The following EPAS1 variants were observed in gnomAD, a reference collection of about 807,000 sequenced individuals.
The protein encoded by EPAS1 is endothelial PAS domain protein 1, also known as endothelial PAS domain-containing protein 1.
Under a neutral mutation model 87.9 loss-of-function variants are expected in EPAS1, and 23 were observed. The observed-to-expected ratio is 0.26, with a 90% CI of 0.19 to 0.37. The LOEUF (loss-of-function observed/expected upper bound fraction) is 0.37. Among genes scored for constraint, EPAS1 ranks in the 10% least tolerant of loss-of-function variants. The pLI, the probability that EPAS1 is intolerant of heterozygous loss-of-function variation, is 1.00. For synonymous variants in EPAS1, 508 were observed against 444.3 expected (o/e 1.14, Z -1.80); for missense variants, 1,138 against 1,120.7 (o/e 1.02, Z -0.22).
At chr2:46,307,775 C>T (rs1683135809) in intron 1 of EPAS1, among the ~76,000 whole-genome samples, 1 of 152,138 alleles carries the variant, frequency 6.6e-6, no homozygotes, top group Admixed American at 6.5e-5. Context: ...CTTTCCTGGT[C>T]CCCCAGAAGA....
In EPAS1 at chr2:46,347,152, G is replaced by A; in HGVS notation, c.217+89G>A. 2 of 1,481,186 alleles carry A rather than the reference G, an allele frequency of 1.4e-6. No individual in the cohort carries two copies. The highest frequency in any genetic ancestry group is 1.1e-5 in the South Asian group (1 of 88,106). 91.8% of individuals were successfully genotyped at this position (1,481,186 alleles called of 1,614,324 possible). A position where few individuals can be genotyped will look rare whatever the true frequency, so the allele number is the denominator to read the frequency against. On this transcript the variant is annotated intron_variant, in intron 2 of 15. Transcript: ENST00000263734. The surrounding 1 kb of genome is among the most constrained non-coding windows in gnomAD (Gnocchi z 4.2). ...AGGGGACCCTTCTGCTGCCAGAGCT[G>A]GAAAGTCACCCCACTACAGAACTTT...
chr2:46,331,693 G>GA (rs1294500651), intron 1 of EPAS1, among the ~76,000 whole-genome samples: 1 of 152,114 alleles, frequency 6.6e-6, no homozygotes, highest in Non-Finnish European at 1.5e-5. Flanking sequence ...GTTGATTCTG[G>GA]AAAAATGAAC....
intron 1 of EPAS1, among the ~76,000 whole-genome samples, chr2:46,324,508 G>A (rs776258891): frequency 6.6e-6 from 1 of 152,210 alleles, no homozygotes; most frequent in Non-Finnish European, 1.5e-5. Context: ...CTGGAGGTAG[G>A]GAACAGTAAC....
intron 12 of EPAS1, 139 bp from the exon 13 acceptor site, chr2:46,381,457 G>A: frequency 7.2e-7 from 1 of 1,382,842 alleles, no homozygotes; most frequent in Admixed American, 1.7e-5. Flanking sequence ...TGCACAGCCT[G>A]CCTCTGAGAC....
At chr2:46,363,014 G>A (rs1530629) in intron 6 of EPAS1, among the ~76,000 whole-genome samples, 73,422 of 139,034 alleles carry the variant, frequency 0.53, 20,382 homozygotes, top group East Asian at 0.83. Context: ...GGTGGTGGTG[G>A]TGGTGATAAT....
At chr2:46,334,015 G>C (rs1050661562) in intron 1 of EPAS1, among the ~76,000 whole-genome samples, 1 of 152,152 alleles carries the variant, frequency 6.6e-6, no homozygotes, top group Non-Finnish European at 1.5e-5. Flanking sequence ...AATGCCTTGC[G>C]GAGGTCTCTG....
In EPAS1 at chr2:46,375,199, AC is replaced by A. The variant is rs1484464540; in HGVS notation, c.887-490del. 6.6e-6 allele frequency among the ~76,000 whole-genome samples: 1 copy of A among 150,438 alleles called. No individual in the cohort carries two copies. The highest frequency in any genetic ancestry group is 6.6e-5 in the Admixed American group (1 of 15,130). ...TGCTGAAAAAAAAAAACAAAAAAAA[AC>A]AAAAAAAACTGCCCTGAGGTCAGGC... On this transcript the variant is annotated intron_variant, in intron 7 of 15. Transcript: ENST00000263734. The surrounding 1 kb of genome is among the most constrained non-coding windows in gnomAD (Gnocchi z 4.1).
At chr2:46,381,547 G>A (rs1227017795) in intron 12 of EPAS1, 49 bp from the exon 13 acceptor site, 3 of 1,613,586 alleles carry the variant, frequency 1.9e-6, no homozygotes, top group Non-Finnish European at 8.5e-7. Flanking sequence ...GGCACTGAGT[G>A]GCATGTGGCT....
chr2:46,348,733 A>AT (rs373043430), intron 2 of EPAS1, among the ~76,000 whole-genome samples: 68 of 152,158 alleles, frequency 4.5e-4, no homozygotes, highest in African/African-American at 1.6e-3. Context: ...TGATTTTTTA[A>AT]TTTTTTCAGA....
rs1289546542 is a variant in EPAS1, at chr2:46,380,675, G to A, written c.2003G>A (p.Gly668Glu). ...GAGTTCTTGGGAGCAGCGCCGTTGG[G>A]GCCCCCTGTCTCTCCACCCCATGTC... is the stretch of plus-strand genomic sequence containing the variant. Reference protein sequence around the residue: ...RTEFLGAAPLGPPVSPPHVST... With the variant: ...RTEFLGAAPLEPPVSPPHVST... The change falls in exon 12 of 16, where the codon GGG becomes GAG. Residue 668 changes from glycine to glutamate, a missense_variant. Gly to Glu is a moderately conservative substitution (Grantham distance 98). Coordinates refer to ENST00000263734, the MANE Select transcript of EPAS1 (RefSeq NM_001430.5). This position sits in a 1 kb window ranked among gnomAD's most constrained non-coding sequence, Gnocchi z 4.4. 3.7e-6 allele frequency: 6 copies of A among 1,613,686 alleles called. No homozygotes were observed. Among genetic ancestry groups the A allele is most frequent in the Non-Finnish European group, 5.1e-6 (6 of 1,179,992 alleles).
intron 6 of EPAS1, among the ~76,000 whole-genome samples, chr2:46,369,171 G>A (rs904151678): frequency 4.6e-5 from 7 of 152,018 alleles, no homozygotes; most frequent in Admixed American, 3.3e-4. Flanking sequence ...TGCCTCCCTC[G>A]TTTCCTTGAA....
intron 2 of EPAS1, among the ~76,000 whole-genome samples, chr2:46,348,094 G>T (rs932124078): frequency 2.0e-5 from 3 of 152,138 alleles, no homozygotes; most frequent in African/African-American, 7.2e-5. Flanking sequence ...AGGCTGGGAG[G>T]CCAGACCAGA....
chr2:46,385,347 A>T lies in EPAS1; in HGVS notation c.*687A>T, dbSNP rs1247973571. On this transcript the variant is annotated 3_prime_UTR_variant, in exon 16 of 16. Transcript: ENST00000263734. ...CGCATTTGGTGGATTTTTTATTATT[A>T]TTCAAAAACATAACTGAGTTTTTTA... The T allele has an allele frequency of 2.0e-5, 3 of 152,360 alleles. No individual in the cohort carries two copies. Among genetic ancestry groups the T allele is most frequent in the African/African-American group, 7.3e-5 (3 of 41,190 alleles). The allele number at this position is 152,360 out of a possible 1,614,324, so 9.4% of individuals were successfully genotyped here.
chr2:46,363,262 G>A lies in EPAS1; in HGVS notation c.779+2172G>A, dbSNP rs1684438955. On this transcript the variant is annotated intron_variant, in intron 6 of 15. Transcript: ENST00000263734. ...AAGCCGACGTAGCCATATAGCCTGGGAGCATATATAGTGCTGGGGATGATG... is the reference window on the plus strand; with the variant it reads ...AAGCCGACGTAGCCATATAGCCTGGAAGCATATATAGTGCTGGGGATGATG... Among the ~76,000 whole-genome samples, 3 of 152,172 alleles carry A rather than the reference G, an allele frequency of 2.0e-5. No individual in the cohort carries two copies. The South Asian group carries it at 6.2e-4, about 32-fold the overall frequency.
chr2:46,385,872 G>C lies in EPAS1; in HGVS notation c.*1212G>C, dbSNP rs769474639. ...ATTTGGACATTTCCAGAACTACCAT[G>C]AGATGGTTTAGACGGGAATTCATGC... On this transcript the variant is annotated 3_prime_UTR_variant, in exon 16 of 16. Transcript: ENST00000263734. The C allele has an allele frequency of 6.6e-6, 1 of 152,208 alleles. No homozygotes were observed. Among genetic ancestry groups the C allele is most frequent in the African/African-American group, 2.4e-5 (1 of 41,448 alleles). The allele number at this position is 152,208 out of a possible 1,614,324, so 9.4% of individuals were successfully genotyped here. A position where few individuals can be genotyped will look rare whatever the true frequency, so the allele number is the denominator to read the frequency against.
At position 46,369,953 on chromosome 2, in the gene EPAS1, CT is replaced by C. The variant is rs754552853; in HGVS notation, c.886+22del. 6.3e-7 allele frequency: 1 copy of C among 1,576,046 alleles called. No homozygotes were observed. Among genetic ancestry groups the C allele is most frequent in the South Asian group, 1.1e-5 (1 of 88,508 alleles). On this transcript the variant is annotated intron_variant, in intron 7 of 15. Coordinates refer to ENST00000263734, the MANE Select transcript of EPAS1 (RefSeq NM_001430.5). Reference sequence around the variant, plus strand: ...AGAACTGTGAGTTCCAGGAGTGCCCCTTGTGGCTTCCTTGTGTCTGTGGTAT... The same window carrying C: ...AGAACTGTGAGTTCCAGGAGTGCCCCTGTGGCTTCCTTGTGTCTGTGGTAT...
chr2:46,344,674 AG>A (rs1299121732), intron 1 of EPAS1, among the ~76,000 whole-genome samples: 1 of 152,178 alleles, frequency 6.6e-6, no homozygotes, highest in Admixed American at 6.5e-5. Context: ...AGGTGGGGAA[AG>A]GGGGGTGCAG....
chr2:46,373,804 G>C (rs776831974), intron 7 of EPAS1, among the ~76,000 whole-genome samples: 4 of 152,166 alleles, frequency 2.6e-5, no homozygotes, highest in Non-Finnish European at 4.4e-5. Flanking sequence ...TAAAAATTAA[G>C]AGCAAACAGA....
intron 1 of EPAS1, among the ~76,000 whole-genome samples, chr2:46,308,153 C>T (rs1353428690): frequency 6.6e-6 from 1 of 152,202 alleles, no homozygotes; most frequent in Non-Finnish European, 1.5e-5. Flanking sequence ...TCTATTCCCT[C>T]ACACTAGCTC....
Sources: allele counts gnomAD v4.1 joint callset (sites outside exome capture counted in the v4.1 genomes callset), GRCh38; gene constraint gnomAD v4.1.1; non-coding constraint Gnocchi (gnomAD v3.1); transcripts MANE v1.5; gene names NCBI Gene and HGNC (gene_info 2026-07-23, HGNC 2026-07-21).